Variants in BTBD2 observed in about 807,000 individuals in gnomAD.
BTBD2 encodes the protein BTB/POZ domain-containing protein 2.
BTBD2 carries 15 observed loss-of-function variants against 44.0 expected under a neutral mutation model. That is an observed-to-expected ratio of 0.34 (90% CI 0.23 to 0.53). BTBD2 has a LOEUF of 0.53. BTBD2 is among the 20% of genes least tolerant of loss of function. BTBD2 has a pLI of 0.95. For missense variants in BTBD2, 657 were observed against 746.4 expected, an observed-to-expected ratio of 0.88 and a Z score of 1.39; for synonymous variants, 443 against 335.9, an observed-to-expected ratio of 1.32 and a Z score of -3.49.
intron 1 of BTBD2, among the ~76,000 whole-genome samples, chr19:2,001,115 C>T (rs986779100): frequency 6.6e-6 from 1 of 152,066 alleles, no homozygotes; most frequent in Non-Finnish European, 1.5e-5. Flanking sequence ...GAAACCCTGT[C>T]TCTATGAAAA....
rs1360160982 is a variant in BTBD2 at position 1,986,931 on chromosome 19, C to A, written c.1315G>T (p.Gly439Cys). Residue 439 changes from glycine to cysteine, a missense_variant, in exon 8 of 9, where the codon GGC becomes TGC. Physicochemically the swap from Gly to Cys is radical, Grantham distance 159. This residue lies in a region of BTBD2 where 449 missense variants were observed against 510.9 expected (regional missense o/e 0.88). Coordinates refer to ENST00000255608, the MANE Select transcript of BTBD2 (RefSeq NM_017797.4). The part of the protein sequence containing the change: ...SNTVLGQNDT[G>C]FSCDGSASTF... ...CTGGCTGAGCCGTCGCAGCTGAAGC[C>A]CGTGTCGTTCTGGCCCAAGACGGTG... 2.5e-6 allele frequency: 4 copies of A among 1,613,334 alleles called. No homozygotes were observed. Among genetic ancestry groups the A allele is most frequent in the Non-Finnish European group, 3.4e-6 (4 of 1,179,846 alleles).
Position 1,998,886 on chromosome 19 carries a change from G to A in BTBD2, c.408-1423C>T, listed in dbSNP as rs566596870. On this transcript the variant is annotated intron_variant, in intron 1 of 8. Transcript: ENST00000255608. ...CGCGGCGGAGCACCTGCCCCAGGACGTTGCGGTCCCTGCGTCACCTCTTCC... is the reference window on the plus strand; with the variant it reads ...CGCGGCGGAGCACCTGCCCCAGGACATTGCGGTCCCTGCGTCACCTCTTCC... 2.6e-5 allele frequency among the ~76,000 whole-genome samples: 4 copies of A among 152,208 alleles called. No homozygotes were observed. The South Asian group carries it at 8.3e-4, about 32-fold the overall frequency.
In BTBD2 at chr19:2,010,247, T is replaced by C. The variant is rs569398307; in HGVS notation, c.407+5050A>G. 4.6e-5 allele frequency among the ~76,000 whole-genome samples: 7 copies of C among 152,332 alleles called. No individual in the cohort carries two copies. In the South Asian group the frequency reaches 1.4e-3, roughly 32 times the overall value. On this transcript the variant is annotated intron_variant, in intron 1 of 8. Transcript: ENST00000255608. The stretch of plus-strand genomic sequence containing the variant: ...AACCCTGGAGATCTTCAGTTCTCCC[T>C]TCAAGCCCCATGAGAGAATCAGATG...
At chr19:2,013,725 G>C (rs148455270) in intron 1 of BTBD2, 1 of 972,136 alleles carries the variant, frequency 1.0e-6, no homozygotes, top group African/African-American at 1.8e-5. Flanking sequence ...ATCCCTGGAG[G>C]GGAGCAGCAT....
At chr19:2,001,440 T>C (rs1036906473) in intron 1 of BTBD2, among the ~76,000 whole-genome samples, 1 of 152,016 alleles carries the variant, frequency 6.6e-6, no homozygotes, top group African/African-American at 2.4e-5. Context: ...CGCAGTGAGC[T>C]GAGATCGTAC....
In BTBD2 at chr19:1,993,118, T is replaced by C; in HGVS notation, c.586A>G (p.Thr196Ala). 1.2e-6 allele frequency: 2 copies of C among 1,608,298 alleles called. No homozygotes were observed. The highest frequency in any genetic ancestry group is 8.5e-7 in the Non-Finnish European group (1 of 1,179,778). Residue 196 changes from threonine (T) to alanine (A), a missense_variant, in exon 3 of 9, where the codon ACC (threonine) becomes GCC (alanine). Thr to Ala is a moderately conservative substitution (Grantham distance 58). Around this residue, in one of 3 missense-constraint regions of BTBD2, gnomAD observed 449 missense variants for 510.9 expected, o/e 0.88. Coordinates refer to ENST00000255608, the MANE Select transcript of BTBD2 (RefSeq NM_017797.4). Reference sequence around the variant, plus strand: ...GCTGGCACCGCGTACTTCTTGGCGGTGTATAGCGTGGTCATCACCGTCTCC... The same window carrying C: ...GCTGGCACCGCGTACTTCTTGGCGGCGTATAGCGTGGTCATCACCGTCTCC... ...GPETVMTTLY[T>A]AKKYAVPALE...
intron 5 of BTBD2, 180 bp downstream of exon 5, chr19:1,989,824 C>A: frequency 1.5e-6 from 1 of 678,222 alleles, no homozygotes; most frequent in Non-Finnish European, 2.5e-6. Context: ...CAGAGCCGGG[C>A]CGGGGCTAAC....
chr19:2,006,054 C>T (rs1282090316), intron 1 of BTBD2, among the ~76,000 whole-genome samples: 1 of 150,480 alleles, frequency 6.6e-6, no homozygotes. Context: ...AGCCACTGAA[C>T]TCCAGTGTGG....
Position 1,990,836 on chromosome 19 carries a change from T to A in BTBD2, c.685-14A>T. 6.5e-7 allele frequency: 1 copy of A among 1,547,568 alleles called. No individual in the cohort carries two copies. Among genetic ancestry groups the A allele is most frequent in the Non-Finnish European group, 8.7e-7 (1 of 1,149,528 alleles). ...GAAGAGTCGCGCCTGGCAAGAGACA[T>A]CGACGGGGGGCGCGGTGGGGACATC... On this transcript the variant is annotated splice_polypyrimidine_tract_variant and intron_variant, in intron 3 of 8. Coordinates refer to ENST00000255608, the MANE Select transcript of BTBD2 (RefSeq NM_017797.4).
intron 1 of BTBD2, among the ~76,000 whole-genome samples, chr19:2,011,189 G>A (rs545322205): frequency 1.0e-3 from 159 of 152,078 alleles, no homozygotes; most frequent in Non-Finnish European, 1.7e-3. Context: ...AGAAGTCTGG[G>A]GACCCCCACC....
At chr19:2,001,798 C>T (rs1290879201) in intron 1 of BTBD2, among the ~76,000 whole-genome samples, 8 of 152,150 alleles carry the variant, frequency 5.3e-5, no homozygotes, top group African/African-American at 1.9e-4. Context: ...AGTGCAGTGG[C>T]GCAATCTTGG....
At chr19:1,991,015 G>A (rs944208899) in intron 3 of BTBD2, 193 bp from the exon 4 acceptor site, 16 of 564,690 alleles carry the variant, frequency 2.8e-5, no homozygotes, top group Non-Finnish European at 5.1e-5. Context: ...ACCGCTGACT[G>A]GGGCGGGAGA....
Position 2,015,544 on chromosome 19 carries a change from C to G in BTBD2, c.160G>C (p.Ala54Pro), listed in dbSNP as rs1213128407. 7.8e-5 allele frequency: 1 copy of G among 12,896 alleles called. No homozygotes were observed. Among genetic ancestry groups the G allele is most frequent in the Non-Finnish European group, 8.5e-5 (1 of 11,826 alleles). The allele number at this position is 12,896 out of a possible 1,614,324, so 0.8% of individuals were successfully genotyped here. A position where few individuals can be genotyped will look rare whatever the true frequency, so the allele number is the denominator to read the frequency against. Residue 54 changes from alanine (A) to proline (P), a missense_variant, in exon 1 of 9, where the codon GCC becomes CCC. Physicochemically the swap from Ala to Pro is conservative, Grantham distance 27 (BLOSUM62 -1). Coordinates refer to ENST00000255608, the MANE Select transcript of BTBD2 (RefSeq NM_017797.4). Reference sequence around the variant, plus strand: ...GGGGCGGGCGGCGTCGGCCCAGGGGCGGCGGCGGCGGCGGCGGCGGCGGCG... The same window carrying G: ...GGGGCGGGCGGCGTCGGCCCAGGGGGGGCGGCGGCGGCGGCGGCGGCGGCG... ...AAAAAAAAAA[A>P]PGPTPPAPPG...
intron 1 of BTBD2, among the ~76,000 whole-genome samples, chr19:2,004,013 C>T (rs2016363035): frequency 1.3e-5 from 2 of 152,012 alleles, no homozygotes; most frequent in South Asian, 2.1e-4. Flanking sequence ...CTCCGCTCAC[C>T]GAGATAAATG....
At position 1,990,720 on chromosome 19, in the gene BTBD2, G is replaced by T. The variant is rs1200507261; in HGVS notation, c.787C>A (p.Leu263Met). The change falls in exon 4 of 9, where the codon CTG (leucine) becomes ATG (methionine). Residue 263 changes from leucine to methionine, a missense_variant. Around this residue, in one of 3 missense-constraint regions of BTBD2, gnomAD observed 449 missense variants for 510.9 expected, o/e 0.88. Transcript: ENST00000255608. ...ITAEGFTDIDLDTLVAVLERD... is the reference protein window; with the variant it reads ...ITAEGFTDIDMDTLVAVLERD... Reference sequence around the variant, plus strand: ...ACCTGGGCTCCTGGGCCCTTACCCAGGTCAATGTCGGTGAAGCCCTCCGCG... The same window carrying T: ...ACCTGGGCTCCTGGGCCCTTACCCATGTCAATGTCGGTGAAGCCCTCCGCG... The T allele has an allele frequency of 1.3e-6, 2 of 1,598,274 alleles. No homozygotes were observed. The highest frequency in any genetic ancestry group is 1.7e-5 in the Admixed American group (1 of 58,178).
At chr19:2,008,151 C>T (rs974010752) in intron 1 of BTBD2, among the ~76,000 whole-genome samples, 1 of 151,850 alleles carries the variant, frequency 6.6e-6, no homozygotes, top group Non-Finnish European at 1.5e-5. Context: ...ATTACAGGCA[C>T]CTGCCACCAC....
rs2016330096 is a variant in BTBD2 at position 2,001,503 on chromosome 19, G to C, written c.408-4040C>G. 2.6e-5 allele frequency among the ~76,000 whole-genome samples: 4 copies of C among 152,058 alleles called. No individual in the cohort carries two copies. The South Asian group carries it at 8.3e-4, about 32-fold the overall frequency. On this transcript the variant is annotated intron_variant, in intron 1 of 8. Coordinates refer to ENST00000255608, the MANE Select transcript of BTBD2 (RefSeq NM_017797.4). Reference sequence around the variant, plus strand: ...CTGAGACTCCATCTCAAAAAGAAAAGAAAACAGGTTAAAGACCGAAAGAAT... The same window carrying C: ...CTGAGACTCCATCTCAAAAAGAAAACAAAACAGGTTAAAGACCGAAAGAAT...
chr19:1,999,697 A>C (rs565449077), intron 1 of BTBD2, among the ~76,000 whole-genome samples: 4 of 151,844 alleles, frequency 2.6e-5, no homozygotes, highest in East Asian at 3.9e-4. Flanking sequence ...GCAGTGGCTC[A>C]CGCCTGTAAT....
chr19:1,997,249 C>T, intron 2 of BTBD2, 95 bp downstream of exon 2: 5 of 1,554,448 alleles, frequency 3.2e-6, no homozygotes, highest in Admixed American at 1.8e-5. Context: ...TCCACCAAGC[C>T]AGGGCCTCTG....
Sources: gnomAD v4.1 joint callset for allele counts (sites outside exome capture counted in the v4.1 genomes callset) on GRCh38, gnomAD v4.1.1 for gene constraint, gnomAD v4.1.1 regional missense constraint, MANE v1.5 for transcripts, NCBI Gene and HGNC (gene_info 2026-07-23, HGNC 2026-07-21) for gene names.